The following AK2 variants were observed in gnomAD, a reference collection of about 807,000 sequenced individuals.
The protein encoded by AK2 is adenylate kinase 2.
Under a neutral mutation model 24.6 loss-of-function variants are expected in AK2, and 15 were observed. That is an observed-to-expected ratio of 0.61 (90% CI 0.41 to 0.94). AK2 has a LOEUF of 0.94. AK2 is among the 40% of genes least tolerant of loss of function. The probability of loss-of-function intolerance (pLI) is 0.00; values close to 1 mark genes in which losing one functional copy is unlikely to be tolerated. For synonymous variants in AK2, 102 were observed against 114.0 expected (o/e 0.90, Z 0.67); for missense variants, 257 against 304.1 (o/e 0.85, Z 1.15).
In AK2 at chr1:33,009,650, T is replaced by A; in HGVS notation, c.*3531A>T. ...AGGAAACAGGAGCACAGTGAATAAC[T>A]AACTGGCTGGGATTTGTCCTAGGTC... On this transcript the variant is annotated 3_prime_UTR_variant, in exon 6 of 6. Transcript: ENST00000672715. 1 of 454,094 alleles carries A rather than the reference T, an allele frequency of 2.2e-6. No homozygotes were observed. Among genetic ancestry groups the A allele is most frequent in the South Asian group, 1.6e-5 (1 of 64,480 alleles). The allele number at this position is 454,094 out of a possible 1,614,324, so 28.1% of individuals were successfully genotyped here.
chr1:33,011,255 C>T lies in AK2; in HGVS notation c.*1926G>A. The T allele has an allele frequency of 1.5e-6, 2 of 1,298,700 alleles. No individual in the cohort carries two copies. Among genetic ancestry groups the T allele is most frequent in the Non-Finnish European group, 2.0e-6 (2 of 996,756 alleles). The allele number at this position is 1,298,700 out of a possible 1,614,324, so 80.4% of individuals were successfully genotyped here. On this transcript the variant is annotated 3_prime_UTR_variant, in exon 6 of 6. Coordinates refer to ENST00000672715, the MANE Select transcript of AK2 (RefSeq NM_001625.4). The stretch of plus-strand genomic sequence containing the variant: ...GCTGATTCTAAGATTCATGATGCCA[C>T]TGTCACCCAGAGAAGGATCCCAGAC...
intron 4 of AK2, among the ~76,000 whole-genome samples, chr1:33,015,061 G>T (rs1569590495): frequency 6.6e-6 from 1 of 152,198 alleles, no homozygotes; most frequent in African/African-American, 2.4e-5. Context: ...CTTTAACAGA[G>T]ATTTGTACAA....
intron 1 of AK2, among the ~76,000 whole-genome samples, chr1:33,025,319 A>G (rs965391343): frequency 1.5e-4 from 23 of 152,180 alleles, no homozygotes; most frequent in Non-Finnish European, 2.1e-4. Flanking sequence ...TGCTGAATAA[A>G]CATTTGCCAA....
At chr1:33,021,755 CT>C in intron 2 of AK2, 52 bp from the exon 3 acceptor site, 1 of 1,407,378 alleles carries the variant, frequency 7.1e-7, no homozygotes, top group South Asian at 1.2e-5. Context: ...ACCTAGGTGA[CT>C]GACATTAGCC....
At chr1:33,027,324 G>A (rs1639955643) in intron 1 of AK2, among the ~76,000 whole-genome samples, 1 of 152,188 alleles carries the variant, frequency 6.6e-6, no homozygotes, top group Non-Finnish European at 1.5e-5. Context: ...AAACACCACA[G>A]AGAAGAGCTG....
rs1373709534 is a variant in AK2, at chr1:33,008,122, C to T, written c.*5059G>A. ...TCCGGATGGTCAGTAAGACAACTTT[C>T]TTCAATGCCTACATTTTCCCTCTGA... On this transcript the variant is annotated 3_prime_UTR_variant, in exon 6 of 6. Coordinates refer to ENST00000672715, the MANE Select transcript of AK2 (RefSeq NM_001625.4). 1 of 454,018 alleles carries T rather than the reference C, an allele frequency of 2.2e-6. No homozygotes were observed. The highest frequency in any genetic ancestry group is 2.0e-5 in the African/African-American group (1 of 49,996). The allele number at this position is 454,018 out of a possible 1,614,324, so 28.1% of individuals were successfully genotyped here. A position where few individuals can be genotyped will look rare whatever the true frequency, so the allele number is the denominator to read the frequency against.
At chr1:33,030,320 C>A (rs1640160775) in intron 1 of AK2, among the ~76,000 whole-genome samples, 1 of 152,186 alleles carries the variant, frequency 6.6e-6, no homozygotes, top group Admixed American at 6.5e-5. Flanking sequence ...GTAATCCCAG[C>A]ACTTTGGGAG....
At chr1:33,029,459 G>A (rs895709483) in intron 1 of AK2, 3 of 149,384 alleles carry the variant, frequency 2.0e-5, no homozygotes, top group Non-Finnish European at 4.4e-5. Context: ...TATTGCCCAG[G>A]CTGGAGTGCA....
intron 2 of AK2, chr1:33,023,987 A>T (rs976793750): frequency 1.4e-5 from 3 of 212,786 alleles, no homozygotes; most frequent in African/African-American, 7.1e-5. Flanking sequence ...CCTGGCCAAC[A>T]TGGTGAAACC....
At chr1:33,025,777 G>C (rs1639838929) in intron 1 of AK2, among the ~76,000 whole-genome samples, 1 of 152,200 alleles carries the variant, frequency 6.6e-6, no homozygotes, top group Admixed American at 6.5e-5. Context: ...TTGATGAGAA[G>C]ATTATACAGA....
At position 33,018,813 on chromosome 1, in the gene AK2, C is replaced by T. The variant is rs200277723; in HGVS notation, c.425+2554G>A. ...CATAAACAGGCTCCTAGATGGTATC[C>T]TTATCTGTTTCTCCTTGCCGTAATT... On this transcript the variant is annotated intron_variant, in intron 4 of 5. Coordinates refer to ENST00000672715, the MANE Select transcript of AK2 (RefSeq NM_001625.4). Among the ~76,000 whole-genome samples, 10 of 152,284 alleles carry T rather than the reference C, an allele frequency of 6.6e-5. No homozygotes were observed. In the East Asian group the frequency reaches 1.9e-3, roughly 29 times the overall value.
intron 1 of AK2, among the ~76,000 whole-genome samples, chr1:33,030,646 G>A (rs1640181158): frequency 6.6e-6 from 1 of 152,192 alleles, no homozygotes. Context: ...ATGCCAAGCA[G>A]TTTTCCATGC....
chr1:33,014,455 GA>G, intron 5 of AK2, 66 bp downstream of exon 5: 3 of 1,288,986 alleles, frequency 2.3e-6, no homozygotes, highest in Non-Finnish European at 3.4e-6. Flanking sequence ...AAGAATAAAG[GA>G]AAAAGAAAAA....
At position 33,008,798 on chromosome 1, in the gene AK2, G is replaced by A. The variant is rs1029149449; in HGVS notation, c.*4383C>T. 45 of 454,090 alleles carry A rather than the reference G, an allele frequency of 9.9e-5. No individual in the cohort carries two copies. Among genetic ancestry groups the A allele is most frequent in the Middle Eastern group, 6.9e-4 (1 of 1,442 alleles). The allele number at this position is 454,090 out of a possible 1,614,324, so 28.1% of individuals were successfully genotyped here. On this transcript the variant is annotated 3_prime_UTR_variant, in exon 6 of 6. Coordinates refer to ENST00000672715, the MANE Select transcript of AK2 (RefSeq NM_001625.4). ...ATACCTGGCACAACGTCAGTCTTCC[G>A]GGAGTGGTAGGACTAGTCTGCATTC...
chr1:33,021,072 G>A (rs1284501818), intron 4 of AK2, among the ~76,000 whole-genome samples: 1 of 151,662 alleles, frequency 6.6e-6, no homozygotes, highest in Non-Finnish European at 1.5e-5. Flanking sequence ...CTTGAACCCA[G>A]GAAGTGGAGG....
intron 4 of AK2, 96 bp from the exon 5 acceptor site, chr1:33,014,690 C>T (rs1004153991): frequency 1.3e-5 from 14 of 1,079,230 alleles, no homozygotes; most frequent in Middle Eastern, 2.1e-4. Context: ...GAGATAGGGA[C>T]GCTGGATGCA....
chr1:33,030,093 T>C (rs756228791), intron 1 of AK2, among the ~76,000 whole-genome samples: 4 of 152,234 alleles, frequency 2.6e-5, no homozygotes, highest in Non-Finnish European at 5.9e-5. Context: ...ACAAGTGCCC[T>C]GTGTTTACGT....
chr1:33,022,351 C>CTTTTTT (rs397862465), intron 2 of AK2, among the ~76,000 whole-genome samples: 9 of 112,370 alleles, frequency 8.0e-5, no homozygotes, highest in South Asian at 2.9e-4. Flanking sequence ...TCTTCCCTCA[C>CTTTTTT]TTTTTTTTTT....
chr1:33,014,397 T>C, intron 5 of AK2, 125 bp downstream of exon 5: 1 of 778,912 alleles, frequency 1.3e-6, no homozygotes, highest in Non-Finnish European at 2.2e-6. Flanking sequence ...ATAGTGTTAT[T>C]TTTCATGACT....
Sources: gnomAD v4.1 joint callset for allele counts (sites outside exome capture counted in the v4.1 genomes callset) on GRCh38, gnomAD v4.1.1 for gene constraint, MANE v1.5 for transcripts, NCBI Gene and HGNC (gene_info 2026-07-23, HGNC 2026-07-21) for gene names.